MIA2: variants seen among roughly 807,000 people sequenced by gnomAD.
The protein encoded by MIA2 is melanoma inhibitory activity protein 2.
Under a neutral mutation model 167.8 loss-of-function variants are expected in MIA2, and 127 were observed. That is an observed-to-expected ratio of 0.76 (90% confidence interval 0.66 to 0.88). The LOEUF (loss-of-function observed/expected upper bound fraction) is 0.88, where lower values mean the gene tolerates loss of function less well. MIA2 is among the 40% of genes least tolerant of loss of function. The pLI is 0.00. For synonymous variants in MIA2, 552 were observed against 541.9 expected, an observed-to-expected ratio of 1.02 and a Z score of -0.26; for missense variants, 1,690 against 1,624.7, an observed-to-expected ratio of 1.04 and a Z score of -0.69.
In MIA2 at chr14:39,312,628, A is replaced by C. The variant is rs892846158; in HGVS notation, c.3018-712A>C. 2.0e-5 allele frequency among the ~76,000 whole-genome samples: 3 copies of C among 152,230 alleles called. No homozygotes were observed. In the South Asian group the frequency reaches 6.2e-4, roughly 32 times the overall value. On this transcript the variant is annotated intron_variant, in intron 18 of 28. Transcript: ENST00000640607. ...AACAACATGGGTATTATAGCATAAA[A>C]GAGTCACTGCTTATGAGCTCTAGGC...
chr14:39,352,611 C>G (rs916442435), downstream of MIA2, among the ~76,000 whole-genome samples: 1 of 152,056 alleles, frequency 6.6e-6, no homozygotes, highest in East Asian at 1.9e-4. Flanking sequence ...CATGGATGCT[C>G]AAGTCTCTTA....
intron 25 of MIA2, among the ~76,000 whole-genome samples, chr14:39,336,172 A>G (rs1369877056): frequency 6.6e-6 from 1 of 152,176 alleles, no homozygotes; most frequent in Non-Finnish European, 1.5e-5. Flanking sequence ...TCTTTGAGAA[A>G]TCTTCAAACT....
intron 4 of MIA2, among the ~76,000 whole-genome samples, chr14:39,249,604 T>C (rs1479775856): frequency 2.0e-5 from 3 of 152,142 alleles, no homozygotes; most frequent in Non-Finnish European, 4.4e-5. Context: ...AGTTCAACAG[T>C]GGGCAACAGA....
intron 23 of MIA2, among the ~76,000 whole-genome samples, chr14:39,364,749 G>GT (rs963226175): frequency 2.2e-4 from 33 of 151,120 alleles, no homozygotes; most frequent in African/African-American, 6.3e-4. Context: ...GTTTTGTTTT[G>GT]TTTTTTTAGC....
chr14:39,304,199 G>A (rs1208088819), intron 16 of MIA2, 92 bp from the exon 17 acceptor site: 3 of 514,956 alleles, frequency 5.8e-6, no homozygotes, highest in Non-Finnish European at 1.0e-5. Flanking sequence ...CTTAAAAAGT[G>A]TTAGGGGGGT....
chr14:39,317,399 C>T (rs2065671493), intron 21 of MIA2, among the ~76,000 whole-genome samples: 2 of 152,192 alleles, frequency 1.3e-5, no homozygotes, highest in South Asian at 4.2e-4. Flanking sequence ...CAGAGTTTAA[C>T]TTGTTTTTTA....
At chr14:39,377,837 T>C (rs1201394668) in intron 23 of MIA2, among the ~76,000 whole-genome samples, 1 of 152,138 alleles carries the variant, frequency 6.6e-6, no homozygotes, top group Non-Finnish European at 1.5e-5. Context: ...TTAAAAGCCT[T>C]GAGCCCAGCC....
At chr14:39,381,621 CATAA>C (rs1342052418) in intron 23 of MIA2, among the ~76,000 whole-genome samples, 1 of 151,474 alleles carries the variant, frequency 6.6e-6, no homozygotes, top group Non-Finnish European at 1.5e-5. Context: ...GGCCTTGTTA[CATAA>C]ATAAAGTCCC....
At chr14:39,296,868 C>G (rs528818602) in intron 13 of MIA2, among the ~76,000 whole-genome samples, 1 of 151,692 alleles carries the variant, frequency 6.6e-6, no homozygotes, top group Non-Finnish European at 1.5e-5. Context: ...CTCCACCTCC[C>G]GCGTTCAAGT....
At chr14:39,338,861 C>A (rs989130902) in intron 25 of MIA2, among the ~76,000 whole-genome samples, 1 of 152,186 alleles carries the variant, frequency 6.6e-6, no homozygotes, top group Non-Finnish European at 1.5e-5. Context: ...CTCATAAAAA[C>A]TTTCAAGTTG....
At position 39,247,910 on chromosome 14, in the gene MIA2, G is replaced by GA. The variant is rs1362536399; in HGVS notation, c.1342dup (p.Thr448AsnfsTer5). 3.8e-6 allele frequency: 6 copies of GA among 1,591,692 alleles called. No homozygotes were observed. Among genetic ancestry groups the GA allele is most frequent in the South Asian group, 2.3e-5 (2 of 85,516 alleles). Reference sequence around the variant, plus strand: ...TCAAATAGACAAGAAACCAGTCTCAGAAAAAACAGACGAATCTGATACTAT... The same window carrying GA: ...TCAAATAGACAAGAAACCAGTCTCAGAAAAAAACAGACGAATCTGATACTAT... On this transcript the variant is annotated frameshift_variant, in exon 4 of 29. Transcript: ENST00000640607. LOFTEE classifies it high-confidence loss of function.
chr14:39,357,994 T>G (rs934586876), intron 23 of MIA2, among the ~76,000 whole-genome samples: 3 of 152,234 alleles, frequency 2.0e-5, no homozygotes, highest in African/African-American at 7.2e-5. Flanking sequence ...CATTTTTTCC[T>G]TCATTTCGAC....
chr14:39,246,031 G>A (rs1376065439), intron 3 of MIA2, among the ~76,000 whole-genome samples: 3 of 152,020 alleles, frequency 2.0e-5, no homozygotes, highest in Non-Finnish European at 4.4e-5. Flanking sequence ...AGAATACACT[G>A]AAAGCATTGA....
At chr14:39,352,513 A>G (rs2074415491), downstream of MIA2, among the ~76,000 whole-genome samples, 1 of 151,980 alleles carries the variant, frequency 6.6e-6, no homozygotes, top group Non-Finnish European at 1.5e-5. Flanking sequence ...TTATCAGGGT[A>G]TGAAATTGTA....
At chr14:39,310,749 C>G (rs969419790) in intron 18 of MIA2, among the ~76,000 whole-genome samples, 1 of 152,192 alleles carries the variant, frequency 6.6e-6, no homozygotes, top group Non-Finnish European at 1.5e-5. Flanking sequence ...GTGCTTGGCT[C>G]ATTCACTGCC....
chr14:39,387,111 G>A (rs2075284680), exon 24 of MIA2: 1 of 579,618 alleles, frequency 1.7e-6, no homozygotes, highest in East Asian at 3.1e-5. Flanking sequence ...ATCTTGCTTG[G>A]TGCTCAACGG....
intron 6 of MIA2, among the ~76,000 whole-genome samples, chr14:39,271,747 T>A (rs1004711576): frequency 6.6e-6 from 1 of 151,642 alleles, no homozygotes; most frequent in African/African-American, 2.4e-5. Context: ...CCGGGCAACT[T>A]GGTGAAACTG....
intron 9 of MIA2, among the ~76,000 whole-genome samples, chr14:39,290,412 C>A (rs1048401060): frequency 1.3e-5 from 2 of 151,970 alleles, no homozygotes; most frequent in Admixed American, 6.6e-5. Context: ...TCAATTTGAT[C>A]ACTTTTTTTG....
At chr14:39,253,484 G>T in intron 6 of MIA2, 1 of 363,130 alleles carries the variant, frequency 2.8e-6, no homozygotes, top group Non-Finnish European at 5.0e-6. Flanking sequence ...ATAGGAACTA[G>T]AGCTGGGTGT....
Sources: allele counts gnomAD v4.1 joint callset (sites outside exome capture counted in the v4.1 genomes callset), GRCh38; gene constraint gnomAD v4.1.1; transcripts MANE v1.5; gene names NCBI Gene and HGNC (gene_info 2026-07-23, HGNC 2026-07-21).